The following RAPGEF2 variants were observed in gnomAD, a reference collection of about 807,000 sequenced individuals.
RAPGEF2 encodes PDZ domain containing guanine nucleotide exchange factor (GEF) 1.
Under a neutral mutation model 186.7 loss-of-function variants are expected in RAPGEF2, and 54 were observed. The ratio of observed to expected loss-of-function variants is 0.29; its 90% confidence interval spans 0.23 to 0.36. The LOEUF is 0.36. Ranked by LOEUF, RAPGEF2 falls within the 10% of genes least tolerant of loss-of-function variation. RAPGEF2 has a pLI of 1.00. For missense variants in RAPGEF2, 1,532 were observed against 2,045.0 expected, an observed-to-expected ratio of 0.75 and a Z score of 4.84; for synonymous variants, 712 against 705.9, an observed-to-expected ratio of 1.01 and a Z score of -0.14.
rs1448036856 is a variant in RAPGEF2 at position 159,355,958 on chromosome 4, C to T, written c.4757C>T (p.Pro1586Leu). The T allele has an allele frequency of 3.1e-6, 5 of 1,600,064 alleles. No homozygotes were observed. Among genetic ancestry groups the T allele is most frequent in the Non-Finnish European group, 4.3e-6 (5 of 1,172,288 alleles). ...PEGHSHPARKPPDYNVALQRS... is the reference protein window; with the variant it reads ...PEGHSHPARKLPDYNVALQRS... ...GGGCACTCCCATCCAGCCAGGAAAC[C>T]GCCGGACTACAACGTGGCCCTTCAG... The change falls in exon 29 of 30, where the codon CCG (proline) becomes CTG (leucine). Residue 1586 changes from proline to leucine, a missense_variant. Transcript: ENST00000691494.
chr4:159,292,144 TC>T lies in RAPGEF2; in HGVS notation c.544-12197del, dbSNP rs1761314030. 2.0e-5 allele frequency among the ~76,000 whole-genome samples: 3 copies of T among 152,258 alleles called. No homozygotes were observed. The South Asian group carries it at 6.2e-4, about 32-fold the overall frequency. On this transcript the variant is annotated intron_variant, in intron 7 of 29. Transcript: ENST00000691494. Reference sequence around the variant, plus strand: ...GTACATTTTGAGCTCCCAAAACCCTTCAGTGGCTTCCCATCTCATTCAGGGT... The same window carrying T: ...GTACATTTTGAGCTCCCAAAACCCTTAGTGGCTTCCCATCTCATTCAGGGT...
At chr4:159,247,515 C>A (rs547316109) in intron 7 of RAPGEF2, among the ~76,000 whole-genome samples, 149 of 152,236 alleles carry the variant, frequency 9.8e-4, no homozygotes, top group African/African-American at 3.4e-3. Context: ...TTTTTCATGA[C>A]TGTAAGGAAC....
chr4:159,282,311 A>T (rs1481344087), intron 7 of RAPGEF2, among the ~76,000 whole-genome samples: 1 of 152,216 alleles, frequency 6.6e-6, no homozygotes, highest in Non-Finnish European at 1.5e-5. Flanking sequence ...TTACACATTG[A>T]TGCTGGTTTG....
chr4:159,251,148 G>A (rs904856672), intron 7 of RAPGEF2, among the ~76,000 whole-genome samples: 8 of 152,186 alleles, frequency 5.3e-5, no homozygotes, highest in Admixed American at 1.3e-4. Flanking sequence ...TTGAATTCTC[G>A]CCAGGCCTCA....
At chr4:159,237,518 T>C (rs1325022623) in intron 4 of RAPGEF2, among the ~76,000 whole-genome samples, 1 of 152,094 alleles carries the variant, frequency 6.6e-6, no homozygotes, top group Admixed American at 6.6e-5. Flanking sequence ...TTCTTCCTCT[T>C]ACGTGACTTG....
intron 11 of RAPGEF2, chr4:159,329,100 C>G (rs905999620): frequency 6.6e-6 from 1 of 152,066 alleles, no homozygotes; most frequent in Non-Finnish European, 1.5e-5. Context: ...TCACTGACCT[C>G]TAGTTAATTT....
chr4:159,340,414 CATT>C (rs1377553510), intron 19 of RAPGEF2, among the ~76,000 whole-genome samples: 12 of 152,028 alleles, frequency 7.9e-5, no homozygotes, highest in African/African-American at 2.9e-4. Context: ...GATTCACATT[CATT>C]ATTGAAGAAA....
chr4:159,329,813 T>C lies in RAPGEF2; in HGVS notation c.1150-45T>C. 1.9e-6 allele frequency: 3 copies of C among 1,553,304 alleles called. No individual in the cohort carries two copies. In the East Asian group the frequency reaches 6.8e-5, roughly 35 times the overall value. On this transcript the variant is annotated intron_variant, in intron 11 of 29. Transcript: ENST00000691494. ...TGAATTATTAGTACTGCTAGGTCTT[T>C]TGCAAGCACTTTATCATTAACATGT...
chr4:159,259,665 G>A (rs1285660491), intron 7 of RAPGEF2, among the ~76,000 whole-genome samples: 6 of 152,062 alleles, frequency 3.9e-5, no homozygotes, highest in Non-Finnish European at 8.8e-5. Flanking sequence ...ACTGTTTAAT[G>A]AACTGAAATC....
intron 1 of RAPGEF2, among the ~76,000 whole-genome samples, chr4:159,171,370 T>C (rs75007992): frequency 0.078 from 11,843 of 152,278 alleles, 703 homozygotes; most frequent in African/African-American, 0.16. Flanking sequence ...AAATCTTAGA[T>C]ACTCTTATTA....
chr4:159,188,253 A>G lies in RAPGEF2; in HGVS notation c.140+1541A>G, dbSNP rs144973217. Among the ~76,000 whole-genome samples the G allele has an allele frequency of 8.5e-5, 13 of 152,374 alleles. No individual in the cohort carries two copies. In the East Asian group the frequency reaches 2.5e-3, roughly 29 times the overall value. On this transcript the variant is annotated intron_variant, in intron 2 of 29. Coordinates refer to ENST00000691494, the MANE Select transcript of RAPGEF2 (RefSeq NM_001394067.2). Reference sequence around the variant, plus strand: ...ATGTCACATTCCCACTGTGCACATAAAACCACACATGTAATATTTAGATAT... The same window carrying G: ...ATGTCACATTCCCACTGTGCACATAGAACCACACATGTAATATTTAGATAT...
chr4:159,241,241 A>C lies in RAPGEF2; in HGVS notation c.398A>C (p.Gln133Pro). Residue 133 changes from glutamine (Q) to proline (P), a missense_variant, in exon 6 of 30, where the codon CAA (glutamine) becomes CCA (proline). Physicochemically the swap from Gln to Pro is moderately conservative, Grantham distance 76. Transcript: ENST00000691494. ...GAAAATGAAGAATATTTTCAGCGGC[A>C]AGCTTCCCATAGACAGTCTCGAAGG... Reference protein sequence around the residue: ...MDENEEYFQRQASHRQSRRRF... With the variant: ...MDENEEYFQRPASHRQSRRRF... 6.5e-7 allele frequency: 1 copy of C among 1,532,138 alleles called. No individual in the cohort carries two copies. The allele number at this position is 1,532,138 out of a possible 1,614,324, so 94.9% of individuals were successfully genotyped here.
chr4:159,123,129 T>C (rs893050426), intron 1 of RAPGEF2, among the ~76,000 whole-genome samples: 1 of 152,238 alleles, frequency 6.6e-6, no homozygotes, highest in South Asian at 2.1e-4. Context: ...CAGTAAGGCT[T>C]CTGGTCAACA....
chr4:159,330,263 ATATG>A (rs1766482741), intron 12 of RAPGEF2, 67 bp from the exon 13 acceptor site: 7 of 410,488 alleles, frequency 1.7e-5, no homozygotes, highest in Non-Finnish European at 2.3e-5. Context: ...GTGTATATGT[ATATG>A]TGTGTGTGTG....
At chr4:159,295,763 G>GCA (rs1761928025) in intron 7 of RAPGEF2, among the ~76,000 whole-genome samples, 55 of 127,002 alleles carry the variant, frequency 4.3e-4, no homozygotes, top group Non-Finnish European at 6.5e-4. Context: ...GTGCGCGCGC[G>GCA]CGCGCGCGCG....
At chr4:159,202,201 T>C (rs1749495971) in intron 3 of RAPGEF2, among the ~76,000 whole-genome samples, 1 of 152,164 alleles carries the variant, frequency 6.6e-6, no homozygotes, top group African/African-American at 2.4e-5. Flanking sequence ...GTTAATGCTG[T>C]CCATGTGAAG....
intron 29 of RAPGEF2, among the ~76,000 whole-genome samples, chr4:159,357,355 G>A (rs769857751): frequency 3.9e-5 from 6 of 152,038 alleles, no homozygotes; most frequent in African/African-American, 7.3e-5. Context: ...AGCAAGACCC[G>A]GTCTCTAAAA....
intron 1 of RAPGEF2, among the ~76,000 whole-genome samples, chr4:159,130,611 A>G (rs1740927056): frequency 6.6e-6 from 1 of 152,218 alleles, no homozygotes; most frequent in African/African-American, 2.4e-5. Context: ...AAATTTTTAA[A>G]CAATTAGAGT....
intron 8 of RAPGEF2, among the ~76,000 whole-genome samples, 200 bp from the exon 9 acceptor site, chr4:159,314,391 A>G (rs1451708640): frequency 6.6e-6 from 1 of 152,228 alleles, no homozygotes; most frequent in African/African-American, 2.4e-5. Context: ...GTTATTCCTG[A>G]CCAAAAATTT....
Sources: allele counts gnomAD v4.1 joint callset (sites outside exome capture counted in the v4.1 genomes callset), GRCh38; gene constraint gnomAD v4.1.1; transcripts MANE v1.5; gene names NCBI Gene and HGNC (gene_info 2026-07-23, HGNC 2026-07-21).